Variants in THRA observed in about 807,000 individuals in gnomAD.
The protein encoded by THRA is EAR-7.
In THRA, 13 loss-of-function variants were observed where a neutral mutation model predicts 45.0. The ratio of observed to expected loss-of-function variants is 0.29; its 90% confidence interval spans 0.19 to 0.46. The LOEUF (loss-of-function observed/expected upper bound fraction) is 0.46. THRA is among the 20% of genes least tolerant of loss of function. The pLI is 1.00. For synonymous variants in THRA, 195 were observed against 214.0 expected (o/e 0.91, Z 0.78); for missense variants, 278 against 556.1 (o/e 0.50, Z 5.03).
intron 4 of THRA, among the ~76,000 whole-genome samples, chr17:40,078,064 C>G (rs1020126497): frequency 6.6e-6 from 1 of 152,166 alleles, no homozygotes. Flanking sequence ...AGGAAAATTG[C>G]CTAACTTCTT....
At chr17:40,074,687 A>T in intron 2 of THRA, 146 bp downstream of exon 2, 1 of 821,548 alleles carries the variant, frequency 1.2e-6, no homozygotes, top group Non-Finnish European at 2.0e-6. Context: ...TGTCTGGCAG[A>T]TGAAGTCATG....
intron 4 of THRA, among the ~76,000 whole-genome samples, chr17:40,080,123 G>GGTATA (rs1987086581): frequency 6.6e-6 from 1 of 151,878 alleles, no homozygotes; most frequent in African/African-American, 2.4e-5. Flanking sequence ...TTAAAGGCCA[G>GGTATA]GTATAGTAGC....
rs369536580 is a variant in THRA at position 40,089,270 on chromosome 17, C to T, written c.1047C>T (p.Phe349=). The change falls in exon 9 of 9, where the codon TTC becomes TTT. Residue 349 remains phenylalanine (F), a synonymous_variant. Coordinates refer to ENST00000450525, the MANE Select transcript of THRA (RefSeq NM_199334.5). This position sits in a 1 kb window ranked among gnomAD's most constrained non-coding sequence, Gnocchi z 6.1. ...GTCAGGAGGCGTACCTGCTGGCGTTCGAGCACTACGTCAACCACCGCAAAC... is the reference window on the plus strand; with the variant it reads ...GTCAGGAGGCGTACCTGCTGGCGTTTGAGCACTACGTCAACCACCGCAAAC... ...EKSQEAYLLA[F]EHYVNHRKHN... is the part of the protein sequence containing the mutation. 91 of 1,613,870 alleles carry T rather than the reference C, an allele frequency of 5.6e-5. No individual in the cohort carries two copies. The Middle Eastern group carries it at 1.6e-3, about 29-fold the overall frequency.
chr17:40,067,351 C>T (rs1169207940), intron 1 of THRA, among the ~76,000 whole-genome samples: 3 of 152,154 alleles, frequency 2.0e-5, no homozygotes, highest in African/African-American at 2.4e-5. Context: ...CAAGGAAAGC[C>T]GTCCCCTCTC....
chr17:40,077,515 C>T lies in THRA; in HGVS notation c.129C>T (p.Ile43=). 6.2e-7 allele frequency: 1 copy of T among 1,613,864 alleles called. No homozygotes were observed. Among genetic ancestry groups the T allele is most frequent in the Non-Finnish European group, 8.5e-7 (1 of 1,179,814 alleles). The part of the protein sequence containing the change: ...CSLKTSMSGY[I]PSYLDKDEQC... ...TCCTTTCCTTCCTCCCAGGGTATAT[C>T]CCTAGTTACCTGGACAAAGACGAGC... Residue 43 remains isoleucine, a synonymous_variant, in exon 4 of 9, where the codon ATC becomes ATT. Transcript: ENST00000450525.
rs1185660812 is a variant in THRA at position 40,074,322 on chromosome 17, C to T, written c.-167C>T. On this transcript the variant is annotated 5_prime_UTR_variant, in exon 2 of 9. Coordinates refer to ENST00000450525, the MANE Select transcript of THRA (RefSeq NM_199334.5). ...CTCCCACCGCCCGCCCCCCTTGGGG[C>T]GCAGGGCATGGTGTGAAAGGCCAAG... 6 of 714,538 alleles carry T rather than the reference C, an allele frequency of 8.4e-6. No individual in the cohort carries two copies. Among genetic ancestry groups the T allele is most frequent in the East Asian group, 5.5e-5 (2 of 36,292 alleles). 44.3% of individuals were successfully genotyped at this position (714,538 alleles called of 1,614,324 possible).
In THRA at chr17:40,089,212, C is replaced by G; in HGVS notation, c.989C>G (p.Ser330Trp). The change falls in exon 9 of 9, where the codon TCG becomes TGG. Residue 330 changes from serine to tryptophan, a missense_variant. Physicochemically the swap from Ser to Trp is radical, Grantham distance 177. Transcript: ENST00000450525. The surrounding 1 kb of genome is among the most constrained non-coding windows in gnomAD (Gnocchi z 6.1). The part of the protein sequence containing the change: ...QAVLLMSTDR[S>W]GLLCVDKIEK... ...CGCCCCTCTTCCCTCACAGACCGCT[C>G]GGGCCTGCTGTGTGTGGACAAGATC... The G allele has an allele frequency of 6.2e-7, 1 of 1,613,840 alleles. No individual in the cohort carries two copies. The highest frequency in any genetic ancestry group is 8.5e-7 in the Non-Finnish European group (1 of 1,179,970).
intron 4 of THRA, among the ~76,000 whole-genome samples, chr17:40,078,834 C>T (rs544135890): frequency 1.3e-3 from 188 of 149,480 alleles, no homozygotes; most frequent in African/African-American, 4.5e-3. Flanking sequence ...CGGGTTCAAG[C>T]GATTCTCCTG....
downstream of THRA, chr17:40,093,516 C>T (rs1418931859): frequency 1.5e-6 from 2 of 1,357,170 alleles, no homozygotes; most frequent in Non-Finnish European, 2.0e-6. This position sits in a 1 kb window ranked among gnomAD's most constrained non-coding sequence, Gnocchi z 5.9. Flanking sequence ...TCCCGTAAGA[C>T]CACCTTCCCT....
In THRA at chr17:40,088,475, G is replaced by C. The variant is rs1470201413; in HGVS notation, c.957G>C (p.Leu319=). 1 of 1,613,590 alleles carries C rather than the reference G, an allele frequency of 6.2e-7. No homozygotes were observed. The change falls in exon 8 of 9, where the codon CTG becomes CTC. Residue 319 remains leucine, a synonymous_variant. Coordinates refer to ENST00000450525, the MANE Select transcript of THRA (RefSeq NM_199334.5). Reference sequence around the variant, plus strand: ...TGGATGACACGGAAGTGGCTCTGCTGCAGGCTGTGCTGCTAATGTCAACAG... The same window carrying C: ...TGGATGACACGGAAGTGGCTCTGCTCCAGGCTGTGCTGCTAATGTCAACAG... ...FNLDDTEVAL[L]QAVLLMSTDR...
At position 40,076,952 on chromosome 17, in the gene THRA, T is replaced by C. The variant is rs1390916237; in HGVS notation, c.121+14T>C. ...CCAGCATGTCAGGTGAGGCTGGCTG[T>C]GCGTGCCCCTTCTCCACGTCCCCAA... On this transcript the variant is annotated intron_variant, in intron 3 of 8. Coordinates refer to ENST00000450525, the MANE Select transcript of THRA (RefSeq NM_199334.5). 2 of 1,613,510 alleles carry C rather than the reference T, an allele frequency of 1.2e-6. No individual in the cohort carries two copies. Among genetic ancestry groups the C allele is most frequent in the Non-Finnish European group, 1.7e-6 (2 of 1,179,728 alleles).
Position 40,074,416 on chromosome 17 carries a change from G to T in THRA, c.-73G>T. 1 of 1,570,676 alleles carries T rather than the reference G, an allele frequency of 6.4e-7. No individual in the cohort carries two copies. Among genetic ancestry groups the T allele is most frequent in the East Asian group, 2.2e-5 (1 of 44,544 alleles). On this transcript the variant is annotated 5_prime_UTR_variant, in exon 2 of 9. Coordinates refer to ENST00000450525, the MANE Select transcript of THRA (RefSeq NM_199334.5). ...GGCAGGGGGTGGGTGGCCTGTGGGT[G>T]TGCCGGGGGGGCCAGTGTGCCCACC...
chr17:40,091,684 C>A lies in THRA; in HGVS notation c.*2228C>A, dbSNP rs1367146129. Reference sequence around the variant, plus strand: ...CTCTTATAGGCACTTGGGACTCCCCCACCCTCCCCAATCATATGAGCTGTG... The same window carrying A: ...CTCTTATAGGCACTTGGGACTCCCCAACCCTCCCCAATCATATGAGCTGTG... On this transcript the variant is annotated 3_prime_UTR_variant, in exon 9 of 9. Transcript: ENST00000450525. The A allele has an allele frequency of 6.6e-6, 1 of 152,286 alleles. No homozygotes were observed. The highest frequency in any genetic ancestry group is 2.1e-4 in the South Asian group (1 of 4,836). 9.4% of individuals were successfully genotyped at this position (152,286 alleles called of 1,614,324 possible).
chr17:40,089,753 A>C lies in THRA; in HGVS notation c.*297A>C. Reference sequence around the variant, plus strand: ...CAGAAGGTAGGGGAAGGGCGGGAGGATTGAGAAGGGACAAGCCACCTTGAC... The same window carrying C: ...CAGAAGGTAGGGGAAGGGCGGGAGGCTTGAGAAGGGACAAGCCACCTTGAC... On this transcript the variant is annotated 3_prime_UTR_variant, in exon 9 of 9. Coordinates refer to ENST00000450525, the MANE Select transcript of THRA (RefSeq NM_199334.5). The surrounding 1 kb of genome is among the most constrained non-coding windows in gnomAD (Gnocchi z 6.1). The C allele has an allele frequency of 8.0e-7, 1 of 1,255,150 alleles. No individual in the cohort carries two copies. The highest frequency in any genetic ancestry group is 1.0e-6 in the Non-Finnish European group (1 of 989,566). 77.8% of individuals were successfully genotyped at this position (1,255,150 alleles called of 1,614,324 possible). A position where few individuals can be genotyped will look rare whatever the true frequency, so the allele number is the denominator to read the frequency against.
At chr17:40,067,867 A>G (rs1289659244) in intron 1 of THRA, among the ~76,000 whole-genome samples, 1 of 152,100 alleles carries the variant, frequency 6.6e-6, no homozygotes. Context: ...ACAACTTTAA[A>G]AAGTTAGCCA....
Position 40,089,602 on chromosome 17 carries a change from G to A in THRA, c.*146G>A, listed in dbSNP as rs913096029. The A allele has an allele frequency of 1.8e-5, 26 of 1,446,908 alleles. No homozygotes were observed. Among genetic ancestry groups the A allele is most frequent in the Middle Eastern group, 2.5e-4 (1 of 3,944 alleles). 89.6% of individuals were successfully genotyped at this position (1,446,908 alleles called of 1,614,324 possible). ...AGATTCAGCTCCCACACACACACCC[G>A]CACTGCCCAGGTCCCTCCTCAGACC... On this transcript the variant is annotated 3_prime_UTR_variant, in exon 9 of 9. Coordinates refer to ENST00000450525, the MANE Select transcript of THRA (RefSeq NM_199334.5). This position sits in a 1 kb window ranked among gnomAD's most constrained non-coding sequence, Gnocchi z 6.1.
At chr17:40,071,227 G>A (rs982456088) in intron 1 of THRA, among the ~76,000 whole-genome samples, 9 of 152,216 alleles carry the variant, frequency 5.9e-5, no homozygotes, top group Non-Finnish European at 1.3e-4. Context: ...GAAAGGTGGG[G>A]CCAAAGCCCA....
chr17:40,066,673 A>G (rs1986580870), intron 1 of THRA, among the ~76,000 whole-genome samples: 1 of 126,348 alleles, frequency 7.9e-6, no homozygotes, highest in African/African-American at 3.4e-5. Flanking sequence ...CAAAAAAAAA[A>G]AAAAAAAAAA....
At position 40,085,909 on chromosome 17, in the gene THRA, T is replaced by C. The variant is rs572796807; in HGVS notation, c.577-798T>C. On this transcript the variant is annotated intron_variant, in intron 6 of 8. Coordinates refer to ENST00000450525, the MANE Select transcript of THRA (RefSeq NM_199334.5). ...TGCCTGCCTTGGCCTCCCAAAGTGCTGGGATTACAGGTGTGAGCTACTGCT... is the reference window on the plus strand; with the variant it reads ...TGCCTGCCTTGGCCTCCCAAAGTGCCGGGATTACAGGTGTGAGCTACTGCT... 2.1e-3 allele frequency among the ~76,000 whole-genome samples: 319 copies of C among 152,336 alleles called. 3 individuals carry two copies. The highest frequency in any genetic ancestry group is 7.4e-3 in the African/African-American group (308 of 41,568).
Sources: gnomAD v4.1 joint callset for allele counts (sites outside exome capture counted in the v4.1 genomes callset) on GRCh38, gnomAD v4.1.1 for gene constraint, Gnocchi (gnomAD v3.1) non-coding constraint, MANE v1.5 for transcripts, NCBI Gene and HGNC (gene_info 2026-07-23, HGNC 2026-07-21) for gene names.